TMEM248: variants seen among roughly 807,000 people sequenced by gnomAD.
The protein encoded by TMEM248 is UPF0458 protein C7orf42.
In TMEM248, 9 loss-of-function variants were observed where a neutral mutation model predicts 30.3. The ratio of observed to expected loss-of-function variants is 0.30; its 90% CI spans 0.18 to 0.52. The LOEUF is 0.52. Among genes scored for constraint, TMEM248 ranks in the 20% least tolerant of loss-of-function variants. TMEM248 has a pLI of 0.97. For missense variants in TMEM248, 338 were observed against 403.3 expected, an observed-to-expected ratio of 0.84 and a Z score of 1.39; for synonymous variants, 184 against 154.4, an observed-to-expected ratio of 1.19 and a Z score of -1.42.
intron 1 of TMEM248, among the ~76,000 whole-genome samples, chr7:66,941,594 ACAC>A (rs1345900092): frequency 1.4e-5 from 2 of 147,396 alleles, no homozygotes; most frequent in Non-Finnish European, 3.0e-5. Context: ...ACACACACAC[ACAC>A]AATATTTAGA....
At chr7:66,947,213 TCA>T (rs1792128844) in intron 3 of TMEM248, among the ~76,000 whole-genome samples, 1 of 73,748 alleles carries the variant, frequency 1.4e-5, no homozygotes. Context: ...AGACCCTGTC[TCA>T]AAAAAAAAAA....
Position 66,950,954 on chromosome 7 carries a change from A to G in TMEM248, c.599A>G (p.Gln200Arg), listed in dbSNP as rs1252532987. 6 of 1,561,660 alleles carry G rather than the reference A, an allele frequency of 3.8e-6. No individual in the cohort carries two copies. The highest frequency in any genetic ancestry group is 5.2e-6 in the Non-Finnish European group (6 of 1,153,218). ...ASPGVFPVTV[Q>R]PPHCVPDTYS... ...TTCCTCCTCCTCTTCTCCTGCAGAC[A>G]GCCACCGCACTGTGTTCCTGACACG... is the stretch of plus-strand genomic sequence containing the variant. The change falls in exon 5 of 7, where the codon CAG (glutamine) becomes CGG (arginine). Residue 200 changes from glutamine (Q) to arginine (R), a missense_variant and splice_region_variant. By Grantham distance (43) the Gln-to-Arg change is conservative. Coordinates refer to ENST00000341567, the MANE Select transcript of TMEM248 (RefSeq NM_017994.5).
At chr7:66,926,885 C>T (rs535795615) in intron 1 of TMEM248, among the ~76,000 whole-genome samples, 1 of 152,226 alleles carries the variant, frequency 6.6e-6, no homozygotes, top group East Asian at 1.9e-4. Flanking sequence ...GAGTACATGA[C>T]ACAGCCTTCG....
At chr7:66,942,983 G>A (rs1004368452) in intron 2 of TMEM248, among the ~76,000 whole-genome samples, 10 of 150,618 alleles carry the variant, frequency 6.6e-5, no homozygotes, top group African/African-American at 2.2e-4. Context: ...TTTCTCTCAT[G>A]CTCTAGGGCA....
intron 3 of TMEM248, among the ~76,000 whole-genome samples, chr7:66,946,084 CCA>C (rs1792095711): frequency 7.6e-5 from 10 of 131,592 alleles, no homozygotes; most frequent in Admixed American, 4.8e-4. Flanking sequence ...GACTCTCTCT[CCA>C]AAAAAAAAAA....
intron 1 of TMEM248, among the ~76,000 whole-genome samples, chr7:66,929,286 G>T (rs911784604): frequency 1.3e-5 from 2 of 152,040 alleles, no homozygotes; most frequent in African/African-American, 4.8e-5. Context: ...TACACAATAG[G>T]TGCAAAACTC....
chr7:66,953,095 C>T (rs1297921488), intron 5 of TMEM248, 131 bp from the exon 6 acceptor site: 1 of 1,003,234 alleles, frequency 1.0e-6, no homozygotes, highest in Non-Finnish European at 1.5e-6. Flanking sequence ...GGAGAAACCT[C>T]CTCTTGCAGC....
At position 66,956,392 on chromosome 7, in the gene TMEM248, G is replaced by A. The variant is rs1298545553; in HGVS notation, c.*870G>A. On this transcript the variant is annotated 3_prime_UTR_variant, in exon 7 of 7. Transcript: ENST00000341567. Reference sequence around the variant, plus strand: ...CAAAATGTAAATGGCTCTAGAGTTAGAGTGACTGTTTGCTCTTCTGCTTTC... The same window carrying A: ...CAAAATGTAAATGGCTCTAGAGTTAAAGTGACTGTTTGCTCTTCTGCTTTC... 2.0e-5 allele frequency: 3 copies of A among 152,192 alleles called. No individual in the cohort carries two copies. Among genetic ancestry groups the A allele is most frequent in the African/African-American group, 7.2e-5 (3 of 41,454 alleles). The allele number at this position is 152,192 out of a possible 1,614,324, so 9.4% of individuals were successfully genotyped here.
chr7:66,942,526 C>T (rs1027193185), intron 2 of TMEM248, among the ~76,000 whole-genome samples: 10 of 152,112 alleles, frequency 6.6e-5, no homozygotes, highest in South Asian at 2.1e-4. Flanking sequence ...GACGGAGTCT[C>T]GCTCCGTCAC....
At chr7:66,952,673 G>C (rs1190448647) in intron 5 of TMEM248, among the ~76,000 whole-genome samples, 1 of 152,194 alleles carries the variant, frequency 6.6e-6, no homozygotes. Flanking sequence ...ACTGCATGTG[G>C]GAGGTCAAAG....
At chr7:66,924,655 G>A (rs1471845556) in intron 1 of TMEM248, among the ~76,000 whole-genome samples, 2 of 151,920 alleles carry the variant, frequency 1.3e-5, no homozygotes, top group Admixed American at 1.3e-4. Flanking sequence ...TCCGCCCACT[G>A]CGGCCTCCCA....
At chr7:66,934,493 G>A (rs556773370) in intron 1 of TMEM248, among the ~76,000 whole-genome samples, 1 of 152,114 alleles carries the variant, frequency 6.6e-6, no homozygotes, top group Non-Finnish European at 1.5e-5. Flanking sequence ...GAACCACTGC[G>A]CCCGGTCCAT....
At chr7:66,947,445 C>T (rs966261018) in intron 3 of TMEM248, among the ~76,000 whole-genome samples, 4 of 152,148 alleles carry the variant, frequency 2.6e-5, no homozygotes, top group South Asian at 2.1e-4. Context: ...CTCTGTCGCC[C>T]AGGTTGGAGT....
chr7:66,953,715 C>G (rs1792328435), intron 6 of TMEM248, among the ~76,000 whole-genome samples: 1 of 149,452 alleles, frequency 6.7e-6, no homozygotes. Flanking sequence ...AGCAGTTCTC[C>G]CACCTCAGCC....
chr7:66,951,237 T>TATCAGGTA, intron 5 of TMEM248, 102 bp downstream of exon 5: 1 of 1,147,794 alleles, frequency 8.7e-7, no homozygotes, highest in South Asian at 2.2e-5. Context: ...CTTCCCTGGG[T>TATCAGGTA]AAGCGTATCC....
chr7:66,939,627 C>T (rs1277738738), intron 1 of TMEM248, among the ~76,000 whole-genome samples: 1 of 152,222 alleles, frequency 6.6e-6, no homozygotes, highest in Non-Finnish European at 1.5e-5. Context: ...GGGGCCAGGG[C>T]TGTAGCTGTG....
intron 1 of TMEM248, among the ~76,000 whole-genome samples, chr7:66,924,834 C>G (rs1454355725): frequency 6.6e-6 from 1 of 151,004 alleles, no homozygotes; most frequent in Non-Finnish European, 1.5e-5. Flanking sequence ...CTCAGCCTCC[C>G]GTGTAGCTGG....
intron 1 of TMEM248, among the ~76,000 whole-genome samples, chr7:66,939,567 G>T (rs1791892767): frequency 6.6e-6 from 1 of 152,204 alleles, no homozygotes; most frequent in African/African-American, 2.4e-5. Flanking sequence ...GTCGCAGTTT[G>T]CTCGTGTTTA....
intron 1 of TMEM248, among the ~76,000 whole-genome samples, chr7:66,935,338 A>G (rs1791773937): frequency 6.6e-6 from 1 of 151,738 alleles, no homozygotes; most frequent in Admixed American, 6.6e-5. Flanking sequence ...GCTTGCCATC[A>G]CACCTGTCTA....
Sources: gnomAD v4.1 joint callset for allele counts (sites outside exome capture counted in the v4.1 genomes callset) on GRCh38, gnomAD v4.1.1 for gene constraint, MANE v1.5 for transcripts, NCBI Gene and HGNC (gene_info 2026-07-23, HGNC 2026-07-21) for gene names.